LRRC14: variants seen among roughly 807,000 people sequenced by gnomAD.
LRRC14 encodes the protein leucine-rich repeat-containing protein 14.
In LRRC14, 16 loss-of-function variants were observed where a neutral mutation model predicts 25.3. The ratio of observed to expected loss-of-function variants is 0.63; its 90% CI spans 0.43 to 0.96. The LOEUF (loss-of-function observed/expected upper bound fraction) is 0.96, where lower values mean the gene tolerates loss of function less well. Among genes scored for constraint, LRRC14 ranks in the 40% least tolerant of loss-of-function variants. LRRC14 has a pLI of 0.00. For missense variants in LRRC14, 594 were observed against 660.5 expected, an observed-to-expected ratio of 0.90 and a Z score of 1.10; for synonymous variants, 359 against 295.1, an observed-to-expected ratio of 1.22 and a Z score of -2.22.
In LRRC14 at chr8:144,523,329, T is replaced by C. The variant is rs925063013; in HGVS notation, c.*1851T>C. Reference sequence around the variant, plus strand: ...TCTGCACACATGATCTTCCTGTCCCTGGAGGTGAGCAGCCGCTGGCCGCCC... The same window carrying C: ...TCTGCACACATGATCTTCCTGTCCCCGGAGGTGAGCAGCCGCTGGCCGCCC... On this transcript the variant is annotated 3_prime_UTR_variant, in exon 4 of 4. Transcript: ENST00000292524. 2 of 1,597,630 alleles carry C rather than the reference T, an allele frequency of 1.3e-6. No individual in the cohort carries two copies. Among genetic ancestry groups the C allele is most frequent in the Non-Finnish European group, 1.7e-6 (2 of 1,169,490 alleles).
chr8:144,523,109 CGGCCCTCGCGAGGCT>C lies in LRRC14; in HGVS notation c.*1634_*1648del. 1 of 1,609,292 alleles carries C rather than the reference CGGCCCTCGCGAGGCT, an allele frequency of 6.2e-7. No individual in the cohort carries two copies. Among genetic ancestry groups the C allele is most frequent in the South Asian group, 1.1e-5 (1 of 90,984 alleles). The stretch of plus-strand genomic sequence containing the variant: ...TTCTAGCTGGGCCTGGGCTCGCGGC[CGGCCCTCGCGAGGCT>C]GGGGCACCTTTCTCCAGGTCACCAA... On this transcript the variant is annotated 3_prime_UTR_variant, in exon 4 of 4. Coordinates refer to ENST00000292524, the MANE Select transcript of LRRC14 (RefSeq NM_014665.4).
In LRRC14 at chr8:144,524,887, A is replaced by C; in HGVS notation, c.*3409A>C. On this transcript the variant is annotated 3_prime_UTR_variant, in exon 4 of 4. Transcript: ENST00000292524. ...GCGCCACACTCCACCGTGGCGCTGT[A>C]GCAGCGGCAGGCTGCTGGGCAGCCG... 3 of 1,515,330 alleles carry C rather than the reference A, an allele frequency of 2.0e-6. No individual in the cohort carries two copies. The highest frequency in any genetic ancestry group is 2.6e-6 in the Non-Finnish European group (3 of 1,133,630). The allele number at this position is 1,515,330 out of a possible 1,614,324, so 93.9% of individuals were successfully genotyped here.
chr8:144,520,769 T>G lies in LRRC14; in HGVS notation c.861T>G (p.Arg287=), dbSNP rs1815970845. Residue 287 remains arginine (R), a synonymous_variant, in exon 3 of 4, where the codon CGT becomes CGG. Transcript: ENST00000292524. ...AGATGGGCCGCTTCACCTGTCTGCG[T>G]GAGCTCAGCATGGGCTCCTCTCTCC... ...LAQMGRFTCL[R]ELSMGSSLLS... is the part of the protein sequence containing the mutation. The G allele has an allele frequency of 6.3e-7, 1 of 1,598,538 alleles. No individual in the cohort carries two copies. The highest frequency in any genetic ancestry group is 1.3e-5 in the African/African-American group (1 of 74,940).
rs1218839753 is a variant in LRRC14, at chr8:144,522,796, A to G, written c.*1318A>G. 4.7e-5 allele frequency: 72 copies of G among 1,544,126 alleles called. No homozygotes were observed. Among genetic ancestry groups the G allele is most frequent in the Non-Finnish European group, 5.7e-5 (65 of 1,149,874 alleles). ...GCGCCAGCAGCGCGATGGCCGCCGCAATGGCCGTCTGTGTGGCCACGCCCA... is the reference window on the plus strand; with the variant it reads ...GCGCCAGCAGCGCGATGGCCGCCGCGATGGCCGTCTGTGTGGCCACGCCCA... On this transcript the variant is annotated 3_prime_UTR_variant, in exon 4 of 4. Coordinates refer to ENST00000292524, the MANE Select transcript of LRRC14 (RefSeq NM_014665.4).
rs1815930429 is a variant in LRRC14, at chr8:144,520,413, G to C, written c.505G>C (p.Val169Leu). ...GPAPIPVEVR[V>L]DLRVNRASYA... ...AGCCCCCATCCCCGTGGAGGTGCGC[G>C]TGGACCTGCGGGTGAACCGGGCCTC... is the stretch of plus-strand genomic sequence containing the variant. The change falls in exon 3 of 4, where the codon GTG (valine) becomes CTG (leucine). Residue 169 changes from valine (V) to leucine (L), a missense_variant. Transcript: ENST00000292524. 1 of 1,603,468 alleles carries C rather than the reference G, an allele frequency of 6.2e-7. No homozygotes were observed. The highest frequency in any genetic ancestry group is 1.3e-5 in the African/African-American group (1 of 74,858).
Position 144,523,779 on chromosome 8 carries a change from A to T in LRRC14, c.*2301A>T. The T allele has an allele frequency of 2.4e-6, 1 of 411,450 alleles. No homozygotes were observed. 25.5% of individuals were successfully genotyped at this position (411,450 alleles called of 1,614,324 possible). On this transcript the variant is annotated 3_prime_UTR_variant, in exon 4 of 4. Coordinates refer to ENST00000292524, the MANE Select transcript of LRRC14 (RefSeq NM_014665.4). ...CAAGTCCTCTCAGCCTTGCCTTTGG[A>T]TGCCCTCTCTTGGGAATGTCCCCAG... is the stretch of plus-strand genomic sequence containing the variant.
Position 144,522,256 on chromosome 8 carries a change from G to T in LRRC14, c.*778G>T. On this transcript the variant is annotated 3_prime_UTR_variant, in exon 4 of 4. Coordinates refer to ENST00000292524, the MANE Select transcript of LRRC14 (RefSeq NM_014665.4). Reference sequence around the variant, plus strand: ...GGGACCCCCCCCATGCAGAGCTGGAGGTTGGGGTGATGTCTTTTCGGAAGA... The same window carrying T: ...GGGACCCCCCCCATGCAGAGCTGGATGTTGGGGTGATGTCTTTTCGGAAGA... 1 of 610,812 alleles carries T rather than the reference G, an allele frequency of 1.6e-6. No homozygotes were observed. Among genetic ancestry groups the T allele is most frequent in the Non-Finnish European group, 2.5e-6 (1 of 398,352 alleles). The allele number at this position is 610,812 out of a possible 1,614,324, so 37.8% of individuals were successfully genotyped here. A position where few individuals can be genotyped will look rare whatever the true frequency, so the allele number is the denominator to read the frequency against.
chr8:144,521,662 C>T lies in LRRC14; in HGVS notation c.*184C>T. 3.2e-6 allele frequency: 2 copies of T among 623,036 alleles called. No homozygotes were observed. Among genetic ancestry groups the T allele is most frequent in the East Asian group, 5.6e-5 (2 of 36,024 alleles). 38.6% of individuals were successfully genotyped at this position (623,036 alleles called of 1,614,324 possible). A position where few individuals can be genotyped will look rare whatever the true frequency, so the allele number is the denominator to read the frequency against. ...TCTGCAGTGCCCCACGCGGTTTTCC[C>T]TGCACTTGCTCCATAATTGGCTGAT... On this transcript the variant is annotated 3_prime_UTR_variant, in exon 4 of 4. Transcript: ENST00000292524.
At position 144,523,986 on chromosome 8, in the gene LRRC14, G is replaced by T; in HGVS notation, c.*2508G>T. ...CCCGCAGCCCTCCAGTGTGGCTGCA[G>T]GCGGTGGTGCAGCCTTCCAGACTGC... On this transcript the variant is annotated 3_prime_UTR_variant, in exon 4 of 4. Transcript: ENST00000292524. 1.8e-6 allele frequency: 2 copies of T among 1,139,198 alleles called. No homozygotes were observed. Among genetic ancestry groups the T allele is most frequent in the East Asian group, 4.8e-5 (2 of 42,006 alleles). 70.6% of individuals were successfully genotyped at this position (1,139,198 alleles called of 1,614,324 possible).
At position 144,522,347 on chromosome 8, in the gene LRRC14, A is replaced by G. The variant is rs1586852483; in HGVS notation, c.*869A>G. 6.9e-6 allele frequency: 9 copies of G among 1,305,066 alleles called. No individual in the cohort carries two copies. The highest frequency in any genetic ancestry group is 6.3e-5 in the East Asian group (2 of 31,826). 80.8% of individuals were successfully genotyped at this position (1,305,066 alleles called of 1,614,324 possible). On this transcript the variant is annotated 3_prime_UTR_variant, in exon 4 of 4. Coordinates refer to ENST00000292524, the MANE Select transcript of LRRC14 (RefSeq NM_014665.4). ...TTGCTACCCCAGGATTCCCGAGTGC[A>G]ACGTTCCCGGCTCGCGCCCCACACA...
In LRRC14 at chr8:144,524,756, G is replaced by T. The variant is rs1165512367; in HGVS notation, c.*3278G>T. The T allele has an allele frequency of 3.5e-6, 5 of 1,434,304 alleles. No individual in the cohort carries two copies. The highest frequency in any genetic ancestry group is 4.5e-6 in the Non-Finnish European group (5 of 1,099,660). The allele number at this position is 1,434,304 out of a possible 1,614,324, so 88.8% of individuals were successfully genotyped here. A position where few individuals can be genotyped will look rare whatever the true frequency, so the allele number is the denominator to read the frequency against. On this transcript the variant is annotated 3_prime_UTR_variant, in exon 4 of 4. Coordinates refer to ENST00000292524, the MANE Select transcript of LRRC14 (RefSeq NM_014665.4). The stretch of plus-strand genomic sequence containing the variant: ...GGAAAGAGGAGGCGCTTACCCCGTT[G>T]CGGGGGTCTTCCTCTCCCTGGGGGC...
chr8:144,519,832 A>C lies in LRRC14; in HGVS notation c.107A>C (p.Lys36Thr). The change falls in exon 2 of 4, where the codon AAG becomes ACG. Residue 36 changes from lysine (K) to threonine (T), a missense_variant. Transcript: ENST00000292524. Reference protein sequence around the residue: ...LPRELFPLLFKVAFMDKKTVV... With the variant: ...LPRELFPLLFTVAFMDKKTVV... The stretch of plus-strand genomic sequence containing the variant: ...CGCGAACTCTTCCCCCTGCTGTTCA[A>C]GGTGGCCTTCATGGACAAGAAGACA... 1 of 1,613,516 alleles carries C rather than the reference A, an allele frequency of 6.2e-7. No individual in the cohort carries two copies. The highest frequency in any genetic ancestry group is 8.5e-7 in the Non-Finnish European group (1 of 1,180,010).
Position 144,524,686 on chromosome 8 carries a change from G to T in LRRC14, c.*3208G>T. On this transcript the variant is annotated 3_prime_UTR_variant, in exon 4 of 4. Coordinates refer to ENST00000292524, the MANE Select transcript of LRRC14 (RefSeq NM_014665.4). ...AGTGGCGCCAGGGCTCCCGGCTCTA[G>T]GCGGGCGATGTTGTTGTCCTGCAGG... 2 of 1,472,378 alleles carry T rather than the reference G, an allele frequency of 1.4e-6. No homozygotes were observed. Among genetic ancestry groups the T allele is most frequent in the Non-Finnish European group, 1.8e-6 (2 of 1,122,688 alleles). 91.2% of individuals were successfully genotyped at this position (1,472,378 alleles called of 1,614,324 possible).
chr8:144,524,052 C>T lies in LRRC14; in HGVS notation c.*2574C>T. The T allele has an allele frequency of 3.2e-6, 5 of 1,563,724 alleles. No homozygotes were observed. The South Asian group carries it at 4.6e-5, about 14-fold the overall frequency. ...TGTCAGAGCCCCTCCACACATGAGC[C>T]TGCTCCCTACTGCCAACACCGTGGC... On this transcript the variant is annotated 3_prime_UTR_variant, in exon 4 of 4. Coordinates refer to ENST00000292524, the MANE Select transcript of LRRC14 (RefSeq NM_014665.4).
chr8:144,522,948 G>A lies in LRRC14; in HGVS notation c.*1470G>A, dbSNP rs1242365230. The A allele has an allele frequency of 6.4e-7, 1 of 1,570,240 alleles. No homozygotes were observed. The highest frequency in any genetic ancestry group is 1.8e-5 in the Admixed American group (1 of 56,990). On this transcript the variant is annotated 3_prime_UTR_variant, in exon 4 of 4. Transcript: ENST00000292524. ...GACGCGTTGACCAGGAGCCGGAAGGGCACGCGGGCAGCGCCGCCGGCGTTG... is the reference window on the plus strand; with the variant it reads ...GACGCGTTGACCAGGAGCCGGAAGGACACGCGGGCAGCGCCGCCGGCGTTG...
chr8:144,524,490 G>A lies in LRRC14; in HGVS notation c.*3012G>A. On this transcript the variant is annotated 3_prime_UTR_variant, in exon 4 of 4. Transcript: ENST00000292524. The stretch of plus-strand genomic sequence containing the variant: ...CAGCAGCCGCGCCAGCTGGTTGCCC[G>A]CCAGGTAGAGCACGCGCAGCTGGGC... 6.3e-7 allele frequency: 1 copy of A among 1,597,436 alleles called. No individual in the cohort carries two copies. Among genetic ancestry groups the A allele is most frequent in the Non-Finnish European group, 8.5e-7 (1 of 1,179,730 alleles).
chr8:144,524,518 G>T lies in LRRC14; in HGVS notation c.*3040G>T. ...AGGTAGAGCACGCGCAGCTGGGCCAGGCCTACGAAGGCGCCGCTGCGCAAG... is the reference window on the plus strand; with the variant it reads ...AGGTAGAGCACGCGCAGCTGGGCCATGCCTACGAAGGCGCCGCTGCGCAAG... On this transcript the variant is annotated 3_prime_UTR_variant, in exon 4 of 4. Coordinates refer to ENST00000292524, the MANE Select transcript of LRRC14 (RefSeq NM_014665.4). 1 of 1,593,134 alleles carries T rather than the reference G, an allele frequency of 6.3e-7. No homozygotes were observed. Among genetic ancestry groups the T allele is most frequent in the South Asian group, 1.1e-5 (1 of 90,498 alleles).
In LRRC14 at chr8:144,521,332, G is replaced by T; in HGVS notation, c.1336G>T (p.Val446Phe). 1.9e-6 allele frequency: 3 copies of T among 1,613,072 alleles called. No homozygotes were observed. Residue 446 changes from valine to phenylalanine, a missense_variant, in exon 4 of 4, where the codon GTC becomes TTC. Transcript: ENST00000292524. ...EGLPWPPPAS[V>F]LLEASINEEK... ...CTTGCCCTGGCCGCCGCCTGCCTCT[G>T]TCCTGCTGGAGGCCTCCATCAATGA...
chr8:144,519,831 A>G lies in LRRC14; in HGVS notation c.106A>G (p.Lys36Glu). ...LPRELFPLLF[K>E]VAFMDKKTVV... is the part of the protein sequence containing the mutation. ...ACGCGAACTCTTCCCCCTGCTGTTCAAGGTGGCCTTCATGGACAAGAAGAC... is the reference window on the plus strand; with the variant it reads ...ACGCGAACTCTTCCCCCTGCTGTTCGAGGTGGCCTTCATGGACAAGAAGAC... The change falls in exon 2 of 4, where the codon AAG (lysine) becomes GAG (glutamate). Residue 36 changes from lysine to glutamate, a missense_variant. Physicochemically the swap from Lys to Glu is moderately conservative, Grantham distance 56. Transcript: ENST00000292524. 1.9e-6 allele frequency: 3 copies of G among 1,613,484 alleles called. No homozygotes were observed. Among genetic ancestry groups the G allele is most frequent in the Non-Finnish European group, 2.5e-6 (3 of 1,180,008 alleles).
Sources: gnomAD v4.1 joint callset for allele counts on GRCh38, gnomAD v4.1.1 for gene constraint, MANE v1.5 for transcripts, NCBI Gene and HGNC (gene_info 2026-07-23, HGNC 2026-07-21) for gene names.